The following INPP4B variants were observed in gnomAD, a reference collection of about 807,000 sequenced individuals.
INPP4B encodes the protein inositol polyphosphate-4-phosphatase type II B, also known as inositol polyphosphate 4-phosphatase type II.
INPP4B carries 55 observed loss-of-function variants against 122.5 expected under a neutral mutation model. The ratio of observed to expected loss-of-function variants is 0.45; its 90% confidence interval spans 0.36 to 0.56. The LOEUF is 0.56. Ranked by LOEUF, INPP4B falls within the 20% of genes least tolerant of loss-of-function variation. INPP4B has a pLI of 0.00. For synonymous variants in INPP4B, 403 were observed against 388.7 expected (o/e 1.04, Z -0.43); for missense variants, 1,000 against 1,097.7 (o/e 0.91, Z 1.26).
chr4:142,845,322 T>G (rs2151224434), intron 1 of INPP4B, among the ~76,000 whole-genome samples: 1 of 152,150 alleles, frequency 6.6e-6, no homozygotes, highest in Middle Eastern at 3.4e-3. Context: ...GGTTCTAGCA[T>G]CCTCATCTTC....
rs562867647 is a variant in INPP4B at position 142,412,775 on chromosome 4, C to A, written c.137-7451G>T. ...TTTAGCTTATTTTCAATCGGGCAAG[C>A]CTGCTTTTTATAATTTTCCTTTGAC... On this transcript the variant is annotated intron_variant, in intron 5 of 25. Coordinates refer to ENST00000262992, the MANE Select transcript of INPP4B (RefSeq NM_001101669.3). 5.9e-5 allele frequency among the ~76,000 whole-genome samples: 9 copies of A among 152,042 alleles called. No individual in the cohort carries two copies. The East Asian group carries it at 1.5e-3, about 26-fold the overall frequency.
At chr4:142,433,268 T>A (rs1369678931) in intron 3 of INPP4B, among the ~76,000 whole-genome samples, 2 of 152,162 alleles carry the variant, frequency 1.3e-5, no homozygotes, top group Admixed American at 1.3e-4. Context: ...TTATTTTCTG[T>A]GCCTACTTGC....
At position 142,082,049 on chromosome 4, in the gene INPP4B, G is replaced by T. The variant is rs766146483; in HGVS notation, c.2624C>A (p.Ala875Glu). 1.4e-6 allele frequency: 2 copies of T among 1,461,968 alleles called. No homozygotes were observed. The highest frequency in any genetic ancestry group is 3.2e-5 in the South Asian group (2 of 62,322). The allele number at this position is 1,461,968 out of a possible 1,614,324, so 90.6% of individuals were successfully genotyped here. ...HQLHKDFFIR[A>E]LDCMRREGCR... ...GAGATACCTTCTCATGCAATCCAGC[G>T]CTCGGATAAAGAAGTCCTTGTGTAA... is the stretch of plus-strand genomic sequence containing the variant. Residue 875 changes from alanine to glutamate, a missense_variant, in exon 25 of 26, where the codon GCG (alanine) becomes GAG (glutamate). Ala to Glu is a moderately radical substitution (Grantham distance 107). Transcript: ENST00000262992.
In INPP4B at chr4:142,691,328, GTT is replaced by G. The variant is rs1220526135; in HGVS notation, c.-191+34509_-191+34510del. Among the ~76,000 whole-genome samples the G allele has an allele frequency of 5.0e-3, 736 of 146,758 alleles. 4 individuals are homozygous for G. Among genetic ancestry groups the G allele is most frequent in the African/African-American group, 0.017 (689 of 39,886 alleles). ...GGTCCAAAATGCCGACAAGGGCAAAGTTTTTTTTTTTTTTTTAAATTTTTGCT... is the reference window on the plus strand; with the variant it reads ...GGTCCAAAATGCCGACAAGGGCAAAGTTTTTTTTTTTTTTAAATTTTTGCT... On this transcript the variant is annotated intron_variant, in intron 2 of 25. Transcript: ENST00000262992.
intron 25 of INPP4B, among the ~76,000 whole-genome samples, chr4:142,052,005 T>C (rs1333662711): frequency 6.6e-6 from 1 of 152,012 alleles, no homozygotes; most frequent in African/African-American, 2.4e-5. Context: ...TCTCATCTCT[T>C]CATTTTTCTT....
At chr4:142,124,564 C>T in intron 19 of INPP4B, 24 bp downstream of exon 19, 2 of 1,603,746 alleles carry the variant, frequency 1.2e-6, no homozygotes, top group East Asian at 2.2e-5. Flanking sequence ...TTGTTTTGTA[C>T]TAACAATAAC....
chr4:142,554,020 C>G (rs943507208), intron 2 of INPP4B, among the ~76,000 whole-genome samples: 1 of 151,940 alleles, frequency 6.6e-6, no homozygotes, highest in Non-Finnish European at 1.5e-5. Flanking sequence ...GAAACTCTGT[C>G]TCTACTAAAA....
intron 21 of INPP4B, among the ~76,000 whole-genome samples, chr4:142,113,712 A>G (rs1014877387): frequency 4.6e-5 from 7 of 152,020 alleles, no homozygotes; most frequent in Non-Finnish European, 8.8e-5. Flanking sequence ...CCTGGCTAAC[A>G]GTTTTTCAGG....
chr4:142,041,443 C>G (rs1747415932), intron 25 of INPP4B, among the ~76,000 whole-genome samples: 1 of 152,014 alleles, frequency 6.6e-6, no homozygotes, highest in East Asian at 1.9e-4. Flanking sequence ...CCTGGTGAAA[C>G]CCCGCCTCTA....
intron 1 of INPP4B, among the ~76,000 whole-genome samples, chr4:142,741,190 G>GA (rs778380112): frequency 6.6e-6 from 1 of 151,992 alleles, no homozygotes; most frequent in South Asian, 2.1e-4. Context: ...AATTTATACA[G>GA]AAAAGAGATT....
At chr4:142,481,970 C>T (rs1220854890) in intron 2 of INPP4B, among the ~76,000 whole-genome samples, 1 of 152,148 alleles carries the variant, frequency 6.6e-6, no homozygotes, top group Non-Finnish European at 1.5e-5. Context: ...AAACTCCCTG[C>T]CAGATACACA....
intron 2 of INPP4B, among the ~76,000 whole-genome samples, chr4:142,645,324 G>T (rs1318041835): frequency 6.6e-6 from 1 of 152,196 alleles, no homozygotes. Context: ...CAGTACAACA[G>T]TAGAGGCAGA....
At chr4:142,434,371 G>A (rs1438385091) in intron 3 of INPP4B, among the ~76,000 whole-genome samples, 1 of 152,146 alleles carries the variant, frequency 6.6e-6, no homozygotes, top group Non-Finnish European at 1.5e-5. Context: ...AGAACTCACT[G>A]GTGGATGGCA....
intron 7 of INPP4B, among the ~76,000 whole-genome samples, chr4:142,401,028 T>C (rs377159891): frequency 6.6e-6 from 1 of 152,174 alleles, no homozygotes; most frequent in East Asian, 1.9e-4. Flanking sequence ...CTCAGCCCTT[T>C]CCATGCCCCA....
At chr4:142,069,612 G>A (rs1304529686) in intron 25 of INPP4B, among the ~76,000 whole-genome samples, 1 of 152,092 alleles carries the variant, frequency 6.6e-6, no homozygotes, top group Non-Finnish European at 1.5e-5. Context: ...AGAAAAAAGA[G>A]AAGAATCAAA....
At chr4:142,677,362 G>A (rs1241974895) in intron 2 of INPP4B, among the ~76,000 whole-genome samples, 1 of 151,858 alleles carries the variant, frequency 6.6e-6, no homozygotes, top group African/African-American at 2.4e-5. Context: ...GGAGAGGGTG[G>A]GGAGAAATAG....
At chr4:142,084,738 T>G (rs1189368836) in intron 24 of INPP4B, among the ~76,000 whole-genome samples, 1 of 152,126 alleles carries the variant, frequency 6.6e-6, no homozygotes, top group Non-Finnish European at 1.5e-5. Context: ...ATAGGAAAAC[T>G]TTTTCATACA....
At chr4:142,255,222 A>G (rs1043016359) in intron 11 of INPP4B, among the ~76,000 whole-genome samples, 4 of 152,118 alleles carry the variant, frequency 2.6e-5, no homozygotes, top group African/African-American at 9.7e-5. Flanking sequence ...CATGGAAAGG[A>G]ACAACCGGTA....
intron 2 of INPP4B, among the ~76,000 whole-genome samples, chr4:142,665,764 T>C (rs1201832319): frequency 6.6e-6 from 1 of 152,140 alleles, no homozygotes; most frequent in Non-Finnish European, 1.5e-5. Context: ...ACTAATGTCA[T>C]ATTTATAATA....
Sources: gnomAD v4.1 joint callset for allele counts (sites outside exome capture counted in the v4.1 genomes callset) on GRCh38, gnomAD v4.1.1 for gene constraint, MANE v1.5 for transcripts, NCBI Gene and HGNC (gene_info 2026-07-23, HGNC 2026-07-21) for gene names.